Variants in DCLK1 observed in about 807,000 individuals in gnomAD.
DCLK1 encodes the protein serine/threonine-protein kinase DCLK1.
DCLK1 carries 16 observed loss-of-function variants against 86.2 expected under a neutral mutation model. The observed-to-expected ratio is 0.19, with a 90% CI of 0.13 to 0.28. DCLK1 has a LOEUF of 0.28. Ranked by LOEUF, DCLK1 falls within the 10% of genes least tolerant of loss-of-function variation. The pLI is 1.00. For synonymous variants in DCLK1, 369 were observed against 370.5 expected (o/e 1.00, Z 0.05); for missense variants, 590 against 940.2 (o/e 0.63, Z 4.87).
Position 35,960,981 on chromosome 13 carries a change from G to T in DCLK1, c.724-13524C>A, listed in dbSNP as rs548591681. On this transcript the variant is annotated intron_variant, in intron 3 of 16. Coordinates refer to ENST00000360631, the MANE Select transcript of DCLK1 (RefSeq NM_001330071.2). ...CTACCTAGCACAGGAAGATGCTTTT[G>T]TTGTTTGGATGAGAACGTGCTCATG... is the stretch of plus-strand genomic sequence containing the variant. Among the ~76,000 whole-genome samples the T allele has an allele frequency of 1.7e-4, 26 of 152,266 alleles. No homozygotes were observed. The South Asian group carries it at 5.2e-3, about 30-fold the overall frequency.
chr13:35,800,458 G>A (rs1220147833), intron 15 of DCLK1, among the ~76,000 whole-genome samples: 2 of 152,158 alleles, frequency 1.3e-5, no homozygotes, highest in South Asian at 2.1e-4. Flanking sequence ...ACTGACGATG[G>A]CTTTGTTCAT....
intron 3 of DCLK1, among the ~76,000 whole-genome samples, chr13:36,064,490 C>T (rs1367808373): frequency 1.3e-5 from 2 of 152,002 alleles, no homozygotes; most frequent in African/African-American, 4.8e-5. Context: ...GAAACCCCAT[C>T]TCTACTAAAA....
In DCLK1 at chr13:35,963,595, C is replaced by T. The variant is rs572310857; in HGVS notation, c.724-16138G>A. 5.3e-5 allele frequency among the ~76,000 whole-genome samples: 8 copies of T among 152,234 alleles called. No homozygotes were observed. In the South Asian group the frequency reaches 1.5e-3, roughly 28 times the overall value. ...CCACGAAGTAGTTAAATTATTATCA[C>T]GGATAACATGGTTAGACTTTGTATC... On this transcript the variant is annotated intron_variant, in intron 3 of 16. Transcript: ENST00000360631.
intron 4 of DCLK1, among the ~76,000 whole-genome samples, chr13:35,874,249 C>T (rs191189718): frequency 2.8e-5 from 4 of 143,030 alleles, no homozygotes; most frequent in Admixed American, 7.2e-5. Flanking sequence ...ATATAAACAT[C>T]GTTTCCTATT....
intron 16 of DCLK1, among the ~76,000 whole-genome samples, chr13:35,787,313 TG>T (rs11284606): frequency 0.017 from 2,567 of 151,026 alleles, 71 homozygotes; most frequent in African/African-American, 0.059. Context: ...AGATGTGGAG[TG>T]TTACCTGGAG....
chr13:36,023,705 G>A lies in DCLK1; in HGVS notation c.724-76248C>T, dbSNP rs1305136613. Among the ~76,000 whole-genome samples, 4 of 152,002 alleles carry A rather than the reference G, an allele frequency of 2.6e-5. No homozygotes were observed. The East Asian group carries it at 5.8e-4, about 22-fold the overall frequency. ...CTCAATATAAGTAGAAAAACCATCT[G>A]AGAAACTCTAACACCTTTCATAATA... On this transcript the variant is annotated intron_variant, in intron 3 of 16. Coordinates refer to ENST00000360631, the MANE Select transcript of DCLK1 (RefSeq NM_001330071.2).
At chr13:35,782,340 C>T (rs573328397) in intron 16 of DCLK1, among the ~76,000 whole-genome samples, 40 of 152,202 alleles carry the variant, frequency 2.6e-4, no homozygotes, top group African/African-American at 9.4e-4. Context: ...GCCCGACAGC[C>T]CCTGATTTTC....
chr13:35,994,530 G>T (rs1880389312), intron 3 of DCLK1, among the ~76,000 whole-genome samples: 2 of 152,172 alleles, frequency 1.3e-5, no homozygotes, highest in East Asian at 3.8e-4. Context: ...CTGCAAGACA[G>T]TTTGCCCCTG....
chr13:35,839,109 T>C lies in DCLK1; in HGVS notation c.1103A>G (p.Asn368Ser). ...STKVCSSMDE[N>S]DGPGEEVSEE... The stretch of plus-strand genomic sequence containing the variant: ...CTCATCACCTTCTCCAGGGCCATCG[T>C]TCTCATCCATCGAGCTGCAGACTTT... Residue 368 changes from asparagine (N) to serine (S), a missense_variant, in exon 7 of 17, where the codon AAC (asparagine) becomes AGC (serine). Asn to Ser is a conservative substitution (Grantham distance 46). Around this residue, in one of 6 missense-constraint regions of DCLK1, gnomAD observed 63 missense variants for 64.3 expected, o/e 0.98. Coordinates refer to ENST00000360631, the MANE Select transcript of DCLK1 (RefSeq NM_001330071.2). The C allele has an allele frequency of 6.2e-7, 1 of 1,600,170 alleles. No individual in the cohort carries two copies.
At chr13:35,838,017 G>C (rs534678357) in intron 7 of DCLK1, among the ~76,000 whole-genome samples, 1 of 145,580 alleles carries the variant, frequency 6.9e-6, no homozygotes, top group Non-Finnish European at 1.5e-5. Flanking sequence ...AGTGAGCTGA[G>C]ATAGTGTCAT....
chr13:35,844,913 T>G (rs1258069943), intron 6 of DCLK1, among the ~76,000 whole-genome samples: 1 of 152,184 alleles, frequency 6.6e-6, no homozygotes, highest in Admixed American at 6.5e-5. Context: ...AATGTTAGAT[T>G]TAAAACCAGA....
At chr13:35,849,820 G>C in intron 6 of DCLK1, 1 of 984,672 alleles carries the variant, frequency 1.0e-6, no homozygotes, top group Non-Finnish European at 1.2e-6. Context: ...TTTTCAAATG[G>C]ATTTCTTGGA....
At chr13:35,846,629 G>A (rs966687264) in intron 6 of DCLK1, 40 of 985,074 alleles carry the variant, frequency 4.1e-5, no homozygotes, top group South Asian at 9.4e-5. Flanking sequence ...AGTACAACAC[G>A]CTATATCAGG....
At chr13:36,109,372 G>A (rs577970707) in intron 3 of DCLK1, among the ~76,000 whole-genome samples, 102 of 152,328 alleles carry the variant, frequency 6.7e-4, no homozygotes, top group African/African-American at 2.4e-3. Flanking sequence ...ATTTACATCA[G>A]TTTGGTGCCT....
intron 4 of DCLK1, among the ~76,000 whole-genome samples, chr13:35,882,914 A>G (rs1184402680): frequency 1.3e-5 from 2 of 152,210 alleles, no homozygotes; most frequent in African/African-American, 4.8e-5. Context: ...AGCTGAGTTT[A>G]TAAGAACTTT....
intron 16 of DCLK1, among the ~76,000 whole-genome samples, chr13:35,777,909 G>T (rs1298103619): frequency 1.3e-5 from 2 of 152,132 alleles, no homozygotes. Flanking sequence ...CATTATCGTT[G>T]TTCATCCTGC....
chr13:35,992,899 T>C (rs1018753740), intron 3 of DCLK1, among the ~76,000 whole-genome samples: 1 of 152,212 alleles, frequency 6.6e-6, no homozygotes, highest in African/African-American at 2.4e-5. Context: ...ACTGATATAC[T>C]ACTCCCCCAT....
At chr13:36,097,850 C>CAA in intron 3 of DCLK1, among the ~76,000 whole-genome samples, 1 of 141,128 alleles carries the variant, frequency 7.1e-6, no homozygotes, top group African/African-American at 2.6e-5. Flanking sequence ...GCATTCTTAC[C>CAA]AAAAAAAAAA....
intron 3 of DCLK1, among the ~76,000 whole-genome samples, chr13:36,025,673 A>G (rs781536196): frequency 4.6e-5 from 7 of 152,232 alleles, no homozygotes; most frequent in Non-Finnish European, 1.0e-4. Context: ...TTTATAGGCA[A>G]TGTCCCTAAT....
Sources: allele counts gnomAD v4.1 joint callset (sites outside exome capture counted in the v4.1 genomes callset), GRCh38; gene constraint gnomAD v4.1.1; regional missense constraint gnomAD v4.1.1; transcripts MANE v1.5; gene names NCBI Gene and HGNC (gene_info 2026-07-23, HGNC 2026-07-21).